MADD: variants seen among roughly 807,000 people sequenced by gnomAD.
The protein encoded by MADD is MAP kinase activating death domain, also known as MAP kinase-activating death domain protein.
A neutral mutation model predicts 176.7 loss-of-function variants in MADD; 109 were observed. The ratio of observed to expected loss-of-function variants is 0.62; its 90% confidence interval spans 0.53 to 0.72. The LOEUF is 0.72. MADD is among the 30% of genes least tolerant of loss of function. The pLI is 0.00. For synonymous variants in MADD, 771 were observed against 771.3 expected, an observed-to-expected ratio of 1.00 and a Z score of 0.01; for missense variants, 1,914 against 2,045.5, an observed-to-expected ratio of 0.94 and a Z score of 1.24.
exon 22 of MADD, chr11:47,296,022 A>G: frequency 6.2e-7 from 1 of 1,614,134 alleles, no homozygotes; most frequent in Non-Finnish European, 8.5e-7. Context: ...CTGATAGTGA[A>G]ATTGAGACCA....
chr11:47,273,975 A>AG lies in MADD; in HGVS notation c.62+1dup. The AG allele has an allele frequency of 6.2e-7, 1 of 1,613,960 alleles. No individual in the cohort carries two copies. On this transcript the variant is annotated frameshift_variant and splice_region_variant, in exon 2 of 33. Transcript: ENST00000402192. LOFTEE classifies it high-confidence loss of function. ...TGACTATCTAGTGATCGTAGGGGCC[A>AG]GGTAACCAAGAAGAGATTGACTTTT... is the stretch of plus-strand genomic sequence containing the variant.
intron 1 of MADD, 70 bp from the exon 2 acceptor site, chr11:47,273,757 G>A: frequency 1.7e-6 from 1 of 603,520 alleles, no homozygotes; most frequent in Non-Finnish European, 3.0e-6. Flanking sequence ...CCTCTGGCCG[G>A]GAAGAAGTTG....
chr11:47,285,380 A>G (rs557121164), intron 13 of MADD, 71 bp from the exon 14 acceptor site: 8 of 1,599,968 alleles, frequency 5.0e-6, no homozygotes, highest in South Asian at 3.3e-5. Flanking sequence ...GTAGTATAGC[A>G]TAATTATGGC....
chr11:47,324,879 C>T, intron 30 of MADD: 1 of 608,364 alleles, frequency 1.6e-6, no homozygotes, highest in South Asian at 2.0e-5. Context: ...TCTCACTTGG[C>T]CCTTCCCCTG....
exon 4 of MADD, chr11:47,276,155 G>A (rs759664473): frequency 6.2e-7 from 1 of 1,614,016 alleles, no homozygotes; most frequent in Non-Finnish European, 8.5e-7. Context: ...ACTTCTAGGT[G>A]TGGACGCCTG....
At chr11:47,294,434 C>T (rs768537100) in intron 20 of MADD, among the ~76,000 whole-genome samples, 2 of 151,778 alleles carry the variant, frequency 1.3e-5, no homozygotes, top group Non-Finnish European at 2.9e-5. Context: ...GAGGCCGAGG[C>T]AGGTGGGTCA....
At chr11:47,274,582 G>A (rs3209722) in exon 3 of MADD, 14 of 1,612,326 alleles carry the variant, frequency 8.7e-6, no homozygotes, top group East Asian at 4.5e-5. Flanking sequence ...CAGTGATAGC[G>A]TGGCCCAGAC....
chr11:47,308,770 A>AAC (rs2085317533), intron 23 of MADD, 71 bp downstream of exon 25: 7 of 1,286,918 alleles, frequency 5.4e-6, no homozygotes. Flanking sequence ...GGTCACACTG[A>AAC]ACAAGTAGCT....
chr11:47,276,022 C>G (rs1411447736), exon 4 of MADD: 1 of 1,614,232 alleles, frequency 6.2e-7, no homozygotes, highest in East Asian at 2.2e-5. Context: ...CAGTACCCGT[C>G]TCTGGGCAGA....
chr11:47,284,299 G>A lies in MADD; in HGVS notation c.1966+18G>A, dbSNP rs1256771338. The A allele has an allele frequency of 3.7e-6, 6 of 1,613,502 alleles. No homozygotes were observed. Among genetic ancestry groups the A allele is most frequent in the South Asian group, 2.2e-5 (2 of 91,068 alleles). On this transcript the variant is annotated intron_variant, in intron 11 of 32. Coordinates refer to ENST00000402192, the Ensembl canonical transcript of MADD. Reference sequence around the variant, plus strand: ...TACTCCCAGTAAGTGTGCTTGGGGAGATTGGCCAGCCCTGGGCAGGGGTTG... The same window carrying A: ...TACTCCCAGTAAGTGTGCTTGGGGAAATTGGCCAGCCCTGGGCAGGGGTTG...
At chr11:47,280,900 A>G (rs1385819592) in intron 7 of MADD, among the ~76,000 whole-genome samples, 1 of 152,188 alleles carries the variant, frequency 6.6e-6, no homozygotes, top group Non-Finnish European at 1.5e-5. Flanking sequence ...AGGAGCTAAG[A>G]TCCTTGGACT....
At chr11:47,301,622 C>T (rs1593776596) in intron 22 of MADD, among the ~76,000 whole-genome samples, 1 of 152,032 alleles carries the variant, frequency 6.6e-6, no homozygotes, top group Non-Finnish European at 1.5e-5. Flanking sequence ...TTTTGGTATG[C>T]TGTGTTTTTA....
At position 47,323,786 on chromosome 11, in the gene MADD, G is replaced by A; in HGVS notation, c.4313G>A (p.Trp1438Ter). The A allele has an allele frequency of 6.2e-7, 1 of 1,614,210 alleles. No homozygotes were observed. Reference sequence around the variant, plus strand: ...CCCAAGACGAAGGTGTTGTGCTTGTGGCGTAGAAATGGCTCTGAGACCCAG... The same window carrying A: ...CCCAAGACGAAGGTGTTGTGCTTGTAGCGTAGAAATGGCTCTGAGACCCAG... Residue 1438 changes from tryptophan to a stop codon, truncating the protein, a stop_gained, in exon 28 of 33, where the codon TGG becomes TAG. Coordinates refer to ENST00000402192, the Ensembl canonical transcript of MADD. LOFTEE classifies it high-confidence loss of function.
At chr11:47,324,146 G>C in intron 28 of MADD, 119 bp from the exon 32 acceptor site, 1 of 813,996 alleles carries the variant, frequency 1.2e-6, no homozygotes, top group Non-Finnish European at 2.1e-6. Context: ...AAAAATAGGA[G>C]GACTACTTAA....
intron 15 of MADD, 78 bp from the exon 16 acceptor site, chr11:47,288,890 C>G (rs779296530): frequency 9.6e-7 from 1 of 1,038,220 alleles, no homozygotes; most frequent in Non-Finnish European, 1.4e-6. Flanking sequence ...CTCAGATTAT[C>G]TGGCTTACTG....
chr11:47,309,098 C>T (rs1167777803), intron 23 of MADD, 56 bp downstream of exon 26: 1 of 1,596,118 alleles, frequency 6.3e-7, no homozygotes, highest in Non-Finnish European at 8.6e-7. Context: ...AGGGACTGGG[C>T]CTTACTTGGA....
intron 7 of MADD, 67 bp from the exon 8 acceptor site, chr11:47,281,508 T>G: frequency 2.2e-6 from 3 of 1,335,556 alleles, no homozygotes; most frequent in Non-Finnish European, 3.0e-6. Flanking sequence ...GCCTTTTCCT[T>G]GGAGTTAAGA....
chr11:47,281,402 AG>A (rs1206324132), intron 7 of MADD, among the ~76,000 whole-genome samples, 172 bp from the exon 8 acceptor site: 2 of 152,232 alleles, frequency 1.3e-5, no homozygotes, highest in Non-Finnish European at 2.9e-5. Context: ...CAAAGATGAA[AG>A]GTCTGAAATG....
chr11:47,300,243 G>A (rs145289742), intron 22 of MADD, among the ~76,000 whole-genome samples: 3,898 of 127,688 alleles, frequency 0.031, 178 homozygotes, highest in African/African-American at 0.11. Flanking sequence ...GTCTTGCTCT[G>A]TTGCCCAGGC....
Sources: gnomAD v4.1 joint callset for allele counts (sites outside exome capture counted in the v4.1 genomes callset) on GRCh38, gnomAD v4.1.1 for gene constraint, MANE v1.5 for transcripts, NCBI Gene and HGNC (gene_info 2026-07-23, HGNC 2026-07-21) for gene names.